The following XPO1 variants were observed in gnomAD, a reference collection of about 807,000 sequenced individuals.
The protein encoded by XPO1 is exportin-1.
Under a neutral mutation model 133.3 loss-of-function variants are expected in XPO1, and 5 were observed. The ratio of observed to expected loss-of-function variants is 0.04; its 90% CI spans 0.02 to 0.08. XPO1 has a LOEUF of 0.08. Among genes scored for constraint, XPO1 ranks in the 10% least tolerant of loss-of-function variants. The pLI, the probability that XPO1 is intolerant of heterozygous loss-of-function variation, is 1.00. For missense variants in XPO1, 506 were observed against 1,267.5 expected (o/e 0.40, Z 9.12); for synonymous variants, 419 against 408.2 (o/e 1.03, Z -0.32).
intron 9 of XPO1, among the ~76,000 whole-genome samples, chr2:61,498,389 G>C (rs1344633661): frequency 6.6e-6 from 1 of 152,178 alleles, no homozygotes; most frequent in African/African-American, 2.4e-5. Context: ...TTCAGAAATA[G>C]CACTTGACTT....
intron 2 of XPO1, among the ~76,000 whole-genome samples, chr2:61,531,747 G>C (rs1361567175): frequency 2.0e-5 from 3 of 152,182 alleles, no homozygotes; most frequent in Non-Finnish European, 2.9e-5. Context: ...ATCCATGCTA[G>C]AAGAAATGAA....
At chr2:61,503,600 A>G (rs1157425323) in intron 4 of XPO1, among the ~76,000 whole-genome samples, 1 of 151,498 alleles carries the variant, frequency 6.6e-6, no homozygotes, top group Non-Finnish European at 1.5e-5. Flanking sequence ...ATTTTTTTGT[A>G]TTTTTAGTAG....
intron 6 of XPO1, among the ~76,000 whole-genome samples, chr2:61,501,714 C>T (rs2104523780): frequency 8.8e-6 from 1 of 113,032 alleles, no homozygotes; most frequent in Middle Eastern, 4.9e-3. Context: ...CAGAGGGAGA[C>T]TGTCTCCAAA....
intron 4 of XPO1, among the ~76,000 whole-genome samples, chr2:61,507,637 G>A (rs758214871): frequency 1.2e-4 from 18 of 152,028 alleles, no homozygotes; most frequent in Non-Finnish European, 2.2e-4. Flanking sequence ...CAGTACTTTG[G>A]GAGGCTGAGG....
intron 3 of XPO1, chr2:61,525,184 T>A (rs938251963): frequency 2.5e-6 from 2 of 786,246 alleles, no homozygotes; most frequent in Non-Finnish European, 3.1e-6. Flanking sequence ...ATTTTATGCA[T>A]TGAATTCCCC....
Position 61,494,097 on chromosome 2 carries a change from C to G in XPO1, c.1048-6G>C, listed in dbSNP as rs894759046. The G allele has an allele frequency of 2.5e-6, 4 of 1,607,962 alleles. No individual in the cohort carries two copies. Among genetic ancestry groups the G allele is most frequent in the South Asian group, 2.2e-5 (2 of 89,574 alleles). On this transcript the variant is annotated splice_polypyrimidine_tract_variant and splice_region_variant and intron_variant, in intron 11 of 24. Coordinates refer to ENST00000401558, the MANE Select transcript of XPO1 (RefSeq NM_003400.4). ...AACAACATATAATGAAGGGCCTACA[C>G]AGAAGACCAAAACTGTTAAAATAAT...
intron 4 of XPO1, among the ~76,000 whole-genome samples, chr2:61,521,363 T>C (rs1447615789): frequency 1.3e-5 from 2 of 152,094 alleles, no homozygotes; most frequent in African/African-American, 4.8e-5. Flanking sequence ...ATCAAAGAAA[T>C]TAGACATATT....
chr2:61,521,522 A>T (rs1698688729), intron 4 of XPO1, among the ~76,000 whole-genome samples: 2 of 152,202 alleles, frequency 1.3e-5, no homozygotes, highest in Non-Finnish European at 2.9e-5. Context: ...CCAAGAAACT[A>T]ATGTTGCCTC....
At chr2:61,530,387 T>A (rs1558681468) in intron 2 of XPO1, among the ~76,000 whole-genome samples, 1 of 148,598 alleles carries the variant, frequency 6.7e-6, no homozygotes, top group Non-Finnish European at 1.5e-5. Flanking sequence ...AGCAGGGGTT[T>A]AAAAAAAAAA....
intron 4 of XPO1, among the ~76,000 whole-genome samples, chr2:61,508,153 G>C (rs1046140271): frequency 6.6e-6 from 1 of 152,044 alleles, no homozygotes; most frequent in African/African-American, 2.4e-5. Flanking sequence ...CACCTGAGGC[G>C]GAATTCAAGA....
chr2:61,498,406 C>T (rs1697345884), intron 9 of XPO1, among the ~76,000 whole-genome samples: 2 of 152,232 alleles, frequency 1.3e-5, no homozygotes, highest in African/African-American at 2.4e-5. Flanking sequence ...ACTTACCTCA[C>T]TGTAACTTAC....
In XPO1 at chr2:61,478,766, C is replaced by T; in HGVS notation, c.*54G>A. On this transcript the variant is annotated 3_prime_UTR_variant, in exon 25 of 25. Coordinates refer to ENST00000401558, the MANE Select transcript of XPO1 (RefSeq NM_003400.4). ...ATTTTGGTCGACAAATACCCACATG[C>T]TGTTTTCCTCTGCTAACGAGTTGCA... 1 of 1,583,450 alleles carries T rather than the reference C, an allele frequency of 6.3e-7. No individual in the cohort carries two copies. The highest frequency in any genetic ancestry group is 8.6e-7 in the Non-Finnish European group (1 of 1,162,576).
rs556784796 is a variant in XPO1 at position 61,505,650 on chromosome 2, C to T, written c.302-3340G>A. On this transcript the variant is annotated intron_variant, in intron 4 of 24. Coordinates refer to ENST00000401558, the MANE Select transcript of XPO1 (RefSeq NM_003400.4). ...CTCAGCTCACTGCAACCTCTGCCTTCCAGGTTTAAGCGATTATCCTGCCTC... is the reference window on the plus strand; with the variant it reads ...CTCAGCTCACTGCAACCTCTGCCTTTCAGGTTTAAGCGATTATCCTGCCTC... Among the ~76,000 whole-genome samples, 13 of 152,210 alleles carry T rather than the reference C, an allele frequency of 8.5e-5. No individual in the cohort carries two copies. In the South Asian group the frequency reaches 2.5e-3, roughly 29 times the overall value.
intron 4 of XPO1, among the ~76,000 whole-genome samples, chr2:61,517,874 C>T (rs1051342306): frequency 2.6e-5 from 4 of 152,134 alleles, no homozygotes; most frequent in African/African-American, 9.7e-5. Flanking sequence ...TGGCTCACGC[C>T]TATAATCCCA....
chr2:61,529,428 T>C (rs905542062), intron 2 of XPO1, among the ~76,000 whole-genome samples: 1 of 151,920 alleles, frequency 6.6e-6, no homozygotes, highest in East Asian at 1.9e-4. Context: ...GTGGCCAAGG[T>C]GGGTGGATCA....
Position 61,492,013 on chromosome 2 carries a change from A to C in XPO1, c.1887+22T>G, listed in dbSNP as rs757946212. 2 of 1,612,678 alleles carry C rather than the reference A, an allele frequency of 1.2e-6. No individual in the cohort carries two copies. Among genetic ancestry groups the C allele is most frequent in the Non-Finnish European group, 1.7e-6 (2 of 1,179,220 alleles). On this transcript the variant is annotated intron_variant, in intron 16 of 24. Transcript: ENST00000401558. This position sits in a 1 kb window ranked among gnomAD's most constrained non-coding sequence, Gnocchi z 5.6. The stretch of plus-strand genomic sequence containing the variant: ...ACAAGTGTTACTTTCTAAAAATAAC[A>C]TATGCTCAGTGCTTAACATACCTGT...
At chr2:61,501,930 G>A in intron 6 of XPO1, 66 bp downstream of exon 6, 5 of 1,350,040 alleles carry the variant, frequency 3.7e-6, no homozygotes, top group South Asian at 1.3e-5. Flanking sequence ...TTCCTAAGTA[G>A]GTCGAACATT....
intron 17 of XPO1, 105 bp from the exon 18 acceptor site, chr2:61,488,876 C>T (rs1334809840): frequency 4.1e-6 from 5 of 1,218,602 alleles, no homozygotes; most frequent in African/African-American, 1.5e-5. Context: ...CCGAGGCGGG[C>T]GGATGATGAG....
At position 61,488,283 on chromosome 2, in the gene XPO1, A is replaced by G. The variant is rs903241281; in HGVS notation, c.2207-12T>C. ...TGTAACCATTTCACCTACAAAACAG[A>G]ATCAAATGGAATCTAATTTTACCAC... On this transcript the variant is annotated splice_polypyrimidine_tract_variant and intron_variant, in intron 18 of 24. Transcript: ENST00000401558. The G allele has an allele frequency of 5.0e-6, 8 of 1,606,930 alleles. No individual in the cohort carries two copies. The highest frequency in any genetic ancestry group is 6.0e-6 in the Non-Finnish European group (7 of 1,173,914).
Sources: allele counts gnomAD v4.1 joint callset (sites outside exome capture counted in the v4.1 genomes callset), GRCh38; gene constraint gnomAD v4.1.1; non-coding constraint Gnocchi (gnomAD v3.1); transcripts MANE v1.5; gene names NCBI Gene and HGNC (gene_info 2026-07-23, HGNC 2026-07-21).